The following TWSG1 variants were observed in gnomAD, a reference collection of about 807,000 sequenced individuals.
TWSG1 encodes the protein twisted gastrulation protein homolog 1.
A neutral mutation model predicts 23.0 loss-of-function variants in TWSG1; 15 were observed. The observed-to-expected ratio is 0.65, with a 90% confidence interval of 0.44 to 1.00. The LOEUF (loss-of-function observed/expected upper bound fraction) is 1.00, where lower values mean the gene tolerates loss of function less well. Ranked by LOEUF, TWSG1 falls within the 50% of genes least tolerant of loss-of-function variation. The probability of loss-of-function intolerance (pLI) is 0.00; values close to 1 mark genes in which losing one functional copy is unlikely to be tolerated. For missense variants in TWSG1, 242 were observed against 278.7 expected, an observed-to-expected ratio of 0.87 and a Z score of 0.94; for synonymous variants, 86 against 92.8, an observed-to-expected ratio of 0.93 and a Z score of 0.42.
At chr18:9,394,980 C>T (rs2040728273) in intron 3 of TWSG1, among the ~76,000 whole-genome samples, 1 of 152,210 alleles carries the variant, frequency 6.6e-6, no homozygotes, top group South Asian at 2.1e-4. Flanking sequence ...AAACCCCATT[C>T]AGTGTCACCA....
intron 3 of TWSG1, among the ~76,000 whole-genome samples, chr18:9,377,124 CA>C (rs1429630028): frequency 6.6e-6 from 1 of 152,018 alleles, no homozygotes; most frequent in Non-Finnish European, 1.5e-5. Flanking sequence ...ACCAATCCCC[CA>C]CAGATCTATC....
chr18:9,365,182 G>A (rs756310965), intron 3 of TWSG1, among the ~76,000 whole-genome samples: 1 of 151,892 alleles, frequency 6.6e-6, no homozygotes, highest in African/African-American at 2.4e-5. Context: ...AATTAGTTGG[G>A]TGTGATGGCA....
chr18:9,384,498 C>T (rs1314100674), intron 3 of TWSG1, among the ~76,000 whole-genome samples: 2 of 152,140 alleles, frequency 1.3e-5, no homozygotes, highest in Non-Finnish European at 2.9e-5. Flanking sequence ...CACATATTTT[C>T]TTCCCTTCCA....
chr18:9,344,734 A>G (rs924659072), intron 2 of TWSG1, among the ~76,000 whole-genome samples: 11 of 151,362 alleles, frequency 7.3e-5, no homozygotes, highest in Non-Finnish European at 1.6e-4. Flanking sequence ...ATTGAAAACC[A>G]GTGCTCTTTT....
intron 2 of TWSG1, among the ~76,000 whole-genome samples, chr18:9,343,912 T>G (rs925830780): frequency 1.3e-5 from 2 of 152,218 alleles, no homozygotes; most frequent in Admixed American, 1.3e-4. Context: ...TTTTAAGAGA[T>G]AAACTGTGTT....
Position 9,337,247 on chromosome 18 carries a change from T to C in TWSG1, c.18T>C (p.Val6=). The C allele has an allele frequency of 6.2e-7, 1 of 1,612,496 alleles. No individual in the cohort carries two copies. The highest frequency in any genetic ancestry group is 8.5e-7 in the Non-Finnish European group (1 of 1,179,996). ...GAAGAAACATGAAGTTACACTATGT[T>C]GCTGTGCTTACTCTAGCCATCCTGA... MKLHY[V]AVLTLAILMF... is the part of the protein sequence containing the mutation. Residue 6 remains valine (V), a synonymous_variant, in exon 2 of 5, where the codon GTT becomes GTC. Coordinates refer to ENST00000262120, the MANE Select transcript of TWSG1 (RefSeq NM_020648.6).
intron 3 of TWSG1, among the ~76,000 whole-genome samples, chr18:9,376,256 G>A (rs947984874): frequency 6.6e-6 from 1 of 152,094 alleles, no homozygotes; most frequent in African/African-American, 2.4e-5. Flanking sequence ...AAAAATCCTA[G>A]CAATTTATCT....
At chr18:9,364,896 T>G (rs2040570722) in intron 3 of TWSG1, among the ~76,000 whole-genome samples, 1 of 152,218 alleles carries the variant, frequency 6.6e-6, no homozygotes, top group Non-Finnish European at 1.5e-5. Context: ...ATAATGTAAA[T>G]GGAATCCTAC....
intron 3 of TWSG1, among the ~76,000 whole-genome samples, chr18:9,378,800 A>G (rs1032826078): frequency 6.6e-6 from 1 of 150,798 alleles, no homozygotes; most frequent in Non-Finnish European, 1.5e-5. Context: ...ACGAAATACC[A>G]TCTCTACAAA....
intron 3 of TWSG1, among the ~76,000 whole-genome samples, chr18:9,360,820 G>A (rs888282455): frequency 6.6e-6 from 1 of 152,078 alleles, no homozygotes; most frequent in African/African-American, 2.4e-5. Flanking sequence ...TTCTTTCCAA[G>A]CCTTTGATCC....
At chr18:9,344,491 A>ATGTGTGTGTGTGTGTG (rs57863617) in intron 2 of TWSG1, among the ~76,000 whole-genome samples, 8 of 136,818 alleles carry the variant, frequency 5.8e-5, no homozygotes, top group African/African-American at 2.2e-4. Context: ...TAGTGAATGC[A>ATGTGTGTGTGTGTGTG]TGTGTGTGTG....
At chr18:9,380,626 A>G (rs1325448311) in intron 3 of TWSG1, among the ~76,000 whole-genome samples, 2 of 152,214 alleles carry the variant, frequency 1.3e-5, no homozygotes, top group African/African-American at 2.4e-5. Context: ...ACAAAGCTGT[A>G]GTCTATGAAC....
chr18:9,349,134 C>T (rs2040490286), intron 2 of TWSG1, among the ~76,000 whole-genome samples: 1 of 151,970 alleles, frequency 6.6e-6, no homozygotes, highest in African/African-American at 2.4e-5. Context: ...GTTTAGTTAT[C>T]CTGTTTCAGG....
chr18:9,363,139 G>C (rs2040560312), intron 3 of TWSG1, among the ~76,000 whole-genome samples: 1 of 152,094 alleles, frequency 6.6e-6, no homozygotes, highest in Non-Finnish European at 1.5e-5. Flanking sequence ...CTCTCATTCT[G>C]TGGACTTCAG....
intron 2 of TWSG1, among the ~76,000 whole-genome samples, chr18:9,337,756 A>G (rs1215460990): frequency 6.6e-6 from 1 of 152,246 alleles, no homozygotes; most frequent in Non-Finnish European, 1.5e-5. Flanking sequence ...ATTGCTATGT[A>G]ACAAATTACC....
chr18:9,370,456 ATATACCAGAATTGG>A (rs2040599872), intron 3 of TWSG1, among the ~76,000 whole-genome samples: 1 of 152,220 alleles, frequency 6.6e-6, no homozygotes. Context: ...CACTGAACAC[ATATACCAGAATTGG>A]TATGCCAAAG....
intron 1 of TWSG1, among the ~76,000 whole-genome samples, chr18:9,336,753 T>C (rs939673057): frequency 6.6e-6 from 1 of 152,228 alleles, no homozygotes; most frequent in Non-Finnish European, 1.5e-5. Flanking sequence ...GGTTTAGATA[T>C]ACTCACTCTA....
intron 1 of TWSG1, 57 bp from the exon 2 acceptor site, chr18:9,337,136 A>G: frequency 7.1e-7 from 1 of 1,407,746 alleles, no homozygotes; most frequent in South Asian, 1.2e-5. Flanking sequence ...TCTCATTTTT[A>G]TATTTGTTTT....
At chr18:9,361,417 T>C (rs10853377) in intron 3 of TWSG1, among the ~76,000 whole-genome samples, 27,955 of 152,214 alleles carry the variant, frequency 0.18, 2,753 homozygotes, top group East Asian at 0.24. Flanking sequence ...TCTATTCCTT[T>C]GTAGAATTTA....
Sources: allele counts gnomAD v4.1 joint callset (sites outside exome capture counted in the v4.1 genomes callset), GRCh38; gene constraint gnomAD v4.1.1; transcripts MANE v1.5; gene names NCBI Gene and HGNC (gene_info 2026-07-23, HGNC 2026-07-21).